SLC4A7: variants seen among roughly 807,000 people sequenced by gnomAD.
SLC4A7 encodes the protein solute carrier family 4 member 7.
A neutral mutation model predicts 137.6 loss-of-function variants in SLC4A7; 51 were observed. The observed-to-expected ratio is 0.37, with a 90% confidence interval of 0.30 to 0.47. The LOEUF (loss-of-function observed/expected upper bound fraction) is 0.47, where lower values mean the gene tolerates loss of function less well. SLC4A7 is among the 20% of genes least tolerant of loss of function. The pLI is 1.00. For missense variants in SLC4A7, 1,247 were observed against 1,525.4 expected (o/e 0.82, Z 3.04); for synonymous variants, 542 against 518.6 (o/e 1.05, Z -0.61).
rs1293460205 is a variant in SLC4A7 at position 27,403,297 on chromosome 3, T to C, written c.2163A>G (p.Ala721=). 1 of 1,613,918 alleles carries C rather than the reference T, an allele frequency of 6.2e-7. No individual in the cohort carries two copies. The highest frequency in any genetic ancestry group is 8.5e-7 in the Non-Finnish European group (1 of 1,179,980). The part of the protein sequence containing the change: ...FLCIVLVATD[A]SSLVCYITRF... The stretch of plus-strand genomic sequence containing the variant: ...GAGTAATATAACACACAAGGCTGCT[T>C]GCATCTGTTGCAACCAAAACAATGC... The change falls in exon 15 of 26, where the codon GCA becomes GCG. Residue 721 remains alanine, a synonymous_variant. Coordinates refer to ENST00000454389, the MANE Select transcript of SLC4A7 (RefSeq NM_001321103.2).
At chr3:27,403,099 A>T (rs1159348927) in intron 15 of SLC4A7, 40 bp downstream of exon 15, 3 of 1,566,926 alleles carry the variant, frequency 1.9e-6, no homozygotes, top group Non-Finnish European at 2.6e-6. Flanking sequence ...CATCTCTGTA[A>T]AAACACATTT....
chr3:27,383,326 A>G, intron 23 of SLC4A7, 76 bp from the exon 24 acceptor site: 6 of 1,074,038 alleles, frequency 5.6e-6, no homozygotes, highest in Non-Finnish European at 8.4e-6. Flanking sequence ...ATAACATTTT[A>G]CAGACTTAGA....
chr3:27,413,136 C>A (rs1334349005), intron 11 of SLC4A7, among the ~76,000 whole-genome samples: 2 of 152,150 alleles, frequency 1.3e-5, no homozygotes, highest in East Asian at 3.9e-4. Flanking sequence ...TATACATACA[C>A]AAATACATAC....
chr3:27,406,809 A>G (rs2150183438), intron 13 of SLC4A7, among the ~76,000 whole-genome samples: 1 of 152,198 alleles, frequency 6.6e-6, no homozygotes, highest in Middle Eastern at 3.4e-3. Context: ...GTACACACCT[A>G]TAGTCCCAGC....
Position 27,437,522 on chromosome 3 carries a change from T to C in SLC4A7, c.294A>G (p.Thr98=). Residue 98 remains threonine (T), a synonymous_variant, in exon 4 of 26, where the codon ACA becomes ACG. Coordinates refer to ENST00000454389, the MANE Select transcript of SLC4A7 (RefSeq NM_001321103.2). ...GGATAAACTGAACTCTCTGGGATGG[T>C]GTATCTTTACAAAATAAGAATTTAC... ...EDGRESPSYD[T]PSQRVQFILG... 6.5e-7 allele frequency: 1 copy of C among 1,542,588 alleles called. No homozygotes were observed. The highest frequency in any genetic ancestry group is 1.3e-5 in the South Asian group (1 of 78,920).
At chr3:27,392,414 G>A (rs998786474) in intron 20 of SLC4A7, among the ~76,000 whole-genome samples, 3 of 152,154 alleles carry the variant, frequency 2.0e-5, no homozygotes, top group African/African-American at 4.8e-5. Flanking sequence ...TAAGGGAGAA[G>A]TGTACTATAA....
At chr3:27,444,040 T>C (rs1235949781) in intron 3 of SLC4A7, among the ~76,000 whole-genome samples, 5 of 152,208 alleles carry the variant, frequency 3.3e-5, no homozygotes, top group African/African-American at 4.8e-5. Flanking sequence ...AGAGAACGTA[T>C]TCTGCTGTCC....
chr3:27,431,120 CAATT>C (rs2056233672), intron 7 of SLC4A7, among the ~76,000 whole-genome samples, 174 bp downstream of exon 7: 1 of 151,992 alleles, frequency 6.6e-6, no homozygotes, highest in Non-Finnish European at 1.5e-5. Flanking sequence ...GCGAAAACCG[CAATT>C]ACTTTTGCAC....
At chr3:27,462,006 A>G (rs532180232) in intron 1 of SLC4A7, among the ~76,000 whole-genome samples, 3 of 152,248 alleles carry the variant, frequency 2.0e-5, no homozygotes, top group East Asian at 1.9e-4. Flanking sequence ...AAAAATACCA[A>G]TGGCCAATAA....
rs2049905914 is a variant in SLC4A7, at chr3:27,376,514, A to C, written c.*250T>G. ...GCATTTCTCCACATCCTTCTATTGC[A>C]AAACAGAAAATTTTTTTTTCTAACA... On this transcript the variant is annotated 3_prime_UTR_variant, in exon 26 of 26. Transcript: ENST00000454389. 3.8e-6 allele frequency: 1 copy of C among 265,394 alleles called. No individual in the cohort carries two copies. The highest frequency in any genetic ancestry group is 1.6e-4 in the South Asian group (1 of 6,422). 16.4% of individuals were successfully genotyped at this position (265,394 alleles called of 1,614,324 possible).
At chr3:27,438,750 A>G (rs2056960253) in intron 3 of SLC4A7, among the ~76,000 whole-genome samples, 1 of 152,162 alleles carries the variant, frequency 6.6e-6, no homozygotes, top group African/African-American at 2.4e-5. Flanking sequence ...TGAAGAGTTA[A>G]CTTTACAATG....
At chr3:27,390,540 A>T (rs1340093159) in intron 21 of SLC4A7, among the ~76,000 whole-genome samples, 1 of 152,230 alleles carries the variant, frequency 6.6e-6, no homozygotes, top group Non-Finnish European at 1.5e-5. Context: ...CACTAATTGA[A>T]AATAAAACTG....
rs1428769832 is a variant in SLC4A7, at chr3:27,374,311, A to T, written c.*2453T>A. Reference sequence around the variant, plus strand: ...AGGGCTGAATTTATTTTGTAAATGGAATATGTACAGGTTTAATTATTTTGC... The same window carrying T: ...AGGGCTGAATTTATTTTGTAAATGGTATATGTACAGGTTTAATTATTTTGC... On this transcript the variant is annotated 3_prime_UTR_variant, in exon 26 of 26. Transcript: ENST00000454389. 6.6e-6 allele frequency: 1 copy of T among 152,546 alleles called. No individual in the cohort carries two copies. Among genetic ancestry groups the T allele is most frequent in the African/African-American group, 2.4e-5 (1 of 41,464 alleles). The allele number at this position is 152,546 out of a possible 1,614,324, so 9.4% of individuals were successfully genotyped here.
At chr3:27,456,790 A>T (rs2058438166) in intron 1 of SLC4A7, 18 of 1,510,386 alleles carry the variant, frequency 1.2e-5, no homozygotes, top group Non-Finnish European at 1.5e-5. Flanking sequence ...CTTTGCAGAG[A>T]TGAATTCTTC....
chr3:27,431,696 T>C (rs765720456), intron 6 of SLC4A7, 27 bp from the exon 7 acceptor site: 11 of 1,502,792 alleles, frequency 7.3e-6, no homozygotes, highest in South Asian at 1.4e-5. Flanking sequence ...AAATGAAAAA[T>C]GATGAAGTCC....
intron 24 of SLC4A7, among the ~76,000 whole-genome samples, chr3:27,381,981 C>T (rs912814850): frequency 2.6e-5 from 4 of 152,012 alleles, no homozygotes; most frequent in East Asian, 2.0e-4. Flanking sequence ...CCCAACTACT[C>T]GGGAGAACCC....
chr3:27,376,493 T>A lies in SLC4A7; in HGVS notation c.*271A>T, dbSNP rs956120267. On this transcript the variant is annotated 3_prime_UTR_variant, in exon 26 of 26. Coordinates refer to ENST00000454389, the MANE Select transcript of SLC4A7 (RefSeq NM_001321103.2). ...TTTAAGAAAAGTAGACTGAAAGCAT[T>A]TCTCCACATCCTTCTATTGCAAAAC... 8.7e-6 allele frequency: 2 copies of A among 228,838 alleles called. No individual in the cohort carries two copies. Among genetic ancestry groups the A allele is most frequent in the Non-Finnish European group, 1.7e-5 (2 of 119,362 alleles). 14.2% of individuals were successfully genotyped at this position (228,838 alleles called of 1,614,324 possible). A position where few individuals can be genotyped will look rare whatever the true frequency, so the allele number is the denominator to read the frequency against.
chr3:27,402,537 T>C (rs2052875573), intron 15 of SLC4A7, among the ~76,000 whole-genome samples: 1 of 151,966 alleles, frequency 6.6e-6, no homozygotes, highest in South Asian at 2.1e-4. Context: ...CTGTCTCCAC[T>C]AAAAATACAA....
intron 1 of SLC4A7, among the ~76,000 whole-genome samples, chr3:27,469,315 A>C (rs572946440): frequency 6.6e-6 from 1 of 152,254 alleles, no homozygotes; most frequent in Non-Finnish European, 1.5e-5. Context: ...AATTAATTCC[A>C]ACACTACCTG....
Sources: gnomAD v4.1 joint callset for allele counts (sites outside exome capture counted in the v4.1 genomes callset) on GRCh38, gnomAD v4.1.1 for gene constraint, MANE v1.5 for transcripts, NCBI Gene and HGNC (gene_info 2026-07-23, HGNC 2026-07-21) for gene names.